Variants in CMSS1 observed in about 807,000 individuals in gnomAD.
CMSS1 encodes cms1 ribosomal small subunit homolog.
A neutral mutation model predicts 43.5 loss-of-function variants in CMSS1; 33 were observed. The ratio of observed to expected loss-of-function variants is 0.76; its 90% CI spans 0.57 to 1.01. The LOEUF is 1.01. CMSS1 is among the 50% of genes least tolerant of loss of function. CMSS1 has a pLI of 0.00. For missense variants in CMSS1, 313 were observed against 326.4 expected (o/e 0.96, Z 0.32); for synonymous variants, 115 against 117.2 (o/e 0.98, Z 0.12).
chr3:99,901,143 G>T (rs937619326), intron 1 of CMSS1, among the ~76,000 whole-genome samples: 11 of 152,186 alleles, frequency 7.2e-5, no homozygotes, highest in African/African-American at 2.4e-4. Context: ...GTAAGCTTTA[G>T]TATTGCTTTA....
rs369025603 is a variant in CMSS1, at chr3:100,176,455, C to T, written c.756+40C>T. On this transcript the variant is annotated intron_variant, in intron 9 of 9. Transcript: ENST00000421999. ...GCAGTTGCCTTTAATCATTTTTTCT[C>T]TATTTGAACTTGGTTCAAACACAGT... 2.2e-6 allele frequency: 3 copies of T among 1,348,724 alleles called. No individual in the cohort carries two copies. The African/African-American group carries it at 4.3e-5, about 19-fold the overall frequency. The allele number at this position is 1,348,724 out of a possible 1,614,324, so 83.5% of individuals were successfully genotyped here.
chr3:99,834,876 C>A (rs1576495226), intron 1 of CMSS1, among the ~76,000 whole-genome samples: 1 of 152,156 alleles, frequency 6.6e-6, no homozygotes, highest in Non-Finnish European at 1.5e-5. Flanking sequence ...TCAGTTTCCT[C>A]TTTTGTAATC....
intron 1 of CMSS1, among the ~76,000 whole-genome samples, chr3:99,861,611 C>T (rs1326316936): frequency 6.6e-6 from 1 of 152,146 alleles, no homozygotes; most frequent in Non-Finnish European, 1.5e-5. Flanking sequence ...CCCAAGGTAG[C>T]CTTCTTTAAG....
intron 1 of CMSS1, chr3:99,851,221 C>G: frequency 1.7e-6 from 1 of 597,238 alleles, no homozygotes; most frequent in Non-Finnish European, 2.7e-6. Context: ...AATTTGATGA[C>G]AGAGGAAAAT....
chr3:99,817,914 C>A lies in CMSS1; in HGVS notation c.-66C>A. On this transcript the variant is annotated 5_prime_UTR_variant, in exon 1 of 10. Transcript: ENST00000421999. ...CTACGCCGGCCGCCTGGCTTTGAGA[C>A]AACGTGATTCTCCGCAGCTGGTCGC... 2.6e-6 allele frequency: 4 copies of A among 1,551,660 alleles called. No individual in the cohort carries two copies. Among genetic ancestry groups the A allele is most frequent in the South Asian group, 1.1e-5 (1 of 89,242 alleles).
intron 1 of CMSS1, among the ~76,000 whole-genome samples, chr3:100,128,175 T>C (rs2066677840): frequency 6.6e-6 from 1 of 152,210 alleles, no homozygotes. Context: ...ACTTTGCACA[T>C]GTTGTTCTGG....
intron 1 of CMSS1, among the ~76,000 whole-genome samples, chr3:100,120,766 C>T (rs571572869): frequency 1.1e-3 from 22 of 20,570 alleles, no homozygotes; most frequent in African/African-American, 4.4e-3. Flanking sequence ...GGAGGCTTCA[C>T]GGGGTGGGGG....
intron 1 of CMSS1, chr3:99,929,813 G>T: frequency 6.8e-7 from 1 of 1,478,114 alleles, no homozygotes; most frequent in Non-Finnish European, 9.2e-7. Flanking sequence ...CAGGGCTAGT[G>T]CTTGGCTGCC....
chr3:99,853,782 C>T (rs1261251828), intron 1 of CMSS1, among the ~76,000 whole-genome samples: 1 of 152,188 alleles, frequency 6.6e-6, no homozygotes, highest in African/African-American at 2.4e-5. Flanking sequence ...TCTTGGGCCA[C>T]TCTCATGAGC....
chr3:100,076,659 G>T (rs1353205718), intron 1 of CMSS1, among the ~76,000 whole-genome samples: 1 of 152,114 alleles, frequency 6.6e-6, no homozygotes, highest in East Asian at 1.9e-4. Context: ...GTACTTTACT[G>T]TTCATTTTTC....
chr3:99,982,345 C>CA (rs1480630579), intron 1 of CMSS1, among the ~76,000 whole-genome samples: 4 of 144,310 alleles, frequency 2.8e-5, no homozygotes, highest in Admixed American at 7.0e-5. Flanking sequence ...TAATTTTTTA[C>CA]TTTTTTTTTT....
At chr3:99,939,331 C>T (rs773289422) in intron 1 of CMSS1, among the ~76,000 whole-genome samples, 7 of 152,270 alleles carry the variant, frequency 4.6e-5, no homozygotes, top group South Asian at 2.1e-4. Flanking sequence ...CCTGGTTCTG[C>T]CTCCAGAACT....
At chr3:99,931,885 T>A (rs1707492984) in intron 1 of CMSS1, among the ~76,000 whole-genome samples, 1 of 152,180 alleles carries the variant, frequency 6.6e-6, no homozygotes, top group African/African-American at 2.4e-5. Context: ...AGAGAAAATA[T>A]CAGTTGAACT....
At chr3:99,869,668 T>A (rs1944692224) in intron 1 of CMSS1, among the ~76,000 whole-genome samples, 1 of 152,180 alleles carries the variant, frequency 6.6e-6, no homozygotes, top group African/African-American at 2.4e-5. Context: ...TTCCTTTTCT[T>A]CAAATTTAAC....
intron 1 of CMSS1, among the ~76,000 whole-genome samples, chr3:99,861,197 C>A (rs1381776538): frequency 1.3e-5 from 2 of 151,802 alleles, no homozygotes; most frequent in Non-Finnish European, 2.9e-5. Context: ...CCCGCCCTCC[C>A]AAAAAAAATT....
intron 1 of CMSS1, among the ~76,000 whole-genome samples, chr3:100,133,149 A>T (rs931380268): frequency 1.3e-5 from 2 of 152,194 alleles, no homozygotes; most frequent in Non-Finnish European, 2.9e-5. Flanking sequence ...ATATTTGCAA[A>T]ACCAAATTTT....
rs146110019 is a variant in CMSS1, at chr3:100,110,577, C to T, written c.65-36396C>T. On this transcript the variant is annotated intron_variant, in intron 1 of 9. Coordinates refer to ENST00000421999, the MANE Select transcript of CMSS1 (RefSeq NM_032359.4). ...CATGTACAGGAAATTCCAGGAAGAACGTAAAAAAAGAAATAAAGTCGTGTA... is the reference window on the plus strand; with the variant it reads ...CATGTACAGGAAATTCCAGGAAGAATGTAAAAAAAGAAATAAAGTCGTGTA... Among the ~76,000 whole-genome samples, 1,441 of 151,998 alleles carry T rather than the reference C, an allele frequency of 9.5e-3. 11 individuals are homozygous for T. Among genetic ancestry groups the T allele is most frequent in the African/African-American group, 0.018 (764 of 41,476 alleles).
chr3:99,848,158 C>T (rs1180650269), intron 1 of CMSS1: 29 of 1,528,042 alleles, frequency 1.9e-5, no homozygotes, highest in Non-Finnish European at 2.5e-5. Flanking sequence ...ATAGTTCATG[C>T]ACAAACCTTC....
intron 1 of CMSS1, among the ~76,000 whole-genome samples, chr3:100,094,875 A>C (rs1307401116): frequency 6.6e-6 from 1 of 151,394 alleles, no homozygotes; most frequent in Non-Finnish European, 1.5e-5. Flanking sequence ...TTTTTAGTAG[A>C]GACGGGGTTT....
Sources: allele counts gnomAD v4.1 joint callset (sites outside exome capture counted in the v4.1 genomes callset), GRCh38; gene constraint gnomAD v4.1.1; transcripts MANE v1.5; gene names NCBI Gene and HGNC (gene_info 2026-07-23, HGNC 2026-07-21).